Variants in ZBTB5 observed in about 807,000 individuals in gnomAD.
ZBTB5 encodes the protein zinc finger and BTB domain-containing protein 5.
Under a neutral mutation model 37.9 loss-of-function variants are expected in ZBTB5, and 15 were observed. The observed-to-expected ratio is 0.40, with a 90% confidence interval of 0.26 to 0.61. The LOEUF (loss-of-function observed/expected upper bound fraction) is 0.61, where lower values mean the gene tolerates loss of function less well. Ranked by LOEUF, ZBTB5 falls within the 20% of genes least tolerant of loss-of-function variation. The pLI is 0.47. For synonymous variants in ZBTB5, 315 were observed against 312.4 expected (o/e 1.01, Z -0.09); for missense variants, 708 against 856.8 (o/e 0.83, Z 2.17).
chr9:37,444,651 C>T (rs1260247391), intron 1 of ZBTB5, among the ~76,000 whole-genome samples: 1 of 152,188 alleles, frequency 6.6e-6, no homozygotes, highest in Non-Finnish European at 1.5e-5. Flanking sequence ...CACAGCAGCA[C>T]TAAAAGCTAG....
chr9:37,460,454 G>C (rs1824271516), intron 1 of ZBTB5, among the ~76,000 whole-genome samples: 1 of 151,854 alleles, frequency 6.6e-6, no homozygotes, highest in African/African-American at 2.4e-5. Context: ...AAAAAATTAG[G>C]CCAGATGCGG....
Position 37,451,269 on chromosome 9 carries a change from T to C in ZBTB5, c.-4-8714A>G, listed in dbSNP as rs924018692. 5.9e-5 allele frequency among the ~76,000 whole-genome samples: 9 copies of C among 151,898 alleles called. 1 individual carries two copies. On this transcript the variant is annotated intron_variant, in intron 1 of 1. Transcript: ENST00000307750. ...TAAATCTTGTAGAACTACTGATTCG[T>C]TAAATGATGTTCACTGGCTAGGCAC... is the stretch of plus-strand genomic sequence containing the variant.
In ZBTB5 at chr9:37,440,905, C is replaced by G; in HGVS notation, c.1647G>C (p.Arg549Ser). 6.2e-7 allele frequency: 1 copy of G among 1,614,138 alleles called. No individual in the cohort carries two copies. The highest frequency in any genetic ancestry group is 8.5e-7 in the Non-Finnish European group (1 of 1,180,038). ...APKMPVVTSVRSSQIPENSTS... is the reference protein window; with the variant it reads ...APKMPVVTSVSSSQIPENSTS... ...TAGAGTTTTCTGGGATCTGTGAGCT[C>G]CTGACGGAAGTTACAACTGGCATTT... is the stretch of plus-strand genomic sequence containing the variant. Residue 549 changes from arginine to serine, a missense_variant, in exon 2 of 2, where the codon AGG (arginine) becomes AGC (serine). Physicochemically the swap from Arg to Ser is moderately radical, Grantham distance 110. This residue lies in a region of ZBTB5 where 639 missense variants were observed against 690.5 expected (regional missense o/e 0.93). Coordinates refer to ENST00000307750, the MANE Select transcript of ZBTB5 (RefSeq NM_014872.3).
chr9:37,442,321 A>G lies in ZBTB5; in HGVS notation c.231T>C (p.Phe77=). 2 of 1,614,196 alleles carry G rather than the reference A, an allele frequency of 1.2e-6. No individual in the cohort carries two copies. Among genetic ancestry groups the G allele is most frequent in the Middle Eastern group, 3.3e-4 (2 of 6,062 alleles). Residue 77 remains phenylalanine (F), a synonymous_variant, in exon 2 of 2, where the codon TTT becomes TTC. Transcript: ENST00000307750. ...TATACATCATGTCAATCAGTGCAGC[A>G]AAGGCCTCTGCTGTCACCACCTCGC... ...LDSEVVTAEA[F]AALIDMMYTS...
At chr9:37,449,085 C>G (rs940155650) in intron 1 of ZBTB5, among the ~76,000 whole-genome samples, 7 of 151,084 alleles carry the variant, frequency 4.6e-5, no homozygotes, top group African/African-American at 1.7e-4. Flanking sequence ...GTTAACATAA[C>G]ATTTTAATAA....
At chr9:37,465,000 T>C (rs1188671511) in intron 1 of ZBTB5, among the ~76,000 whole-genome samples, 1 of 150,778 alleles carries the variant, frequency 6.6e-6, no homozygotes, top group African/African-American at 2.4e-5. Context: ...GCAGACAGCC[T>C]GGCGTCGGGA....
At chr9:37,454,894 C>G (rs1388928888) in intron 1 of ZBTB5, among the ~76,000 whole-genome samples, 1 of 152,220 alleles carries the variant, frequency 6.6e-6, no homozygotes, top group Non-Finnish European at 1.5e-5. Flanking sequence ...CCTTAACATT[C>G]AGTAGCCCAA....
chr9:37,441,222 C>T lies in ZBTB5; in HGVS notation c.1330G>A (p.Ala444Thr). The T allele has an allele frequency of 6.2e-7, 1 of 1,614,114 alleles. No homozygotes were observed. The highest frequency in any genetic ancestry group is 1.3e-5 in the African/African-American group (1 of 75,018). Reference sequence around the variant, plus strand: ...GCCTCTGGACTCAACAAATAGGGGGCCTCACTCTCCAGCCTGCAGTCACTA... The same window carrying T: ...GCCTCTGGACTCAACAAATAGGGGGTCTCACTCTCCAGCCTGCAGTCACTA... ...TTSDCRLESE[A>T]PYLLSPEAGP... The change falls in exon 2 of 2, where the codon GCC becomes ACC. Residue 444 changes from alanine (A) to threonine (T), a missense_variant. Ala to Thr is a moderately conservative substitution (Grantham distance 58). Transcript: ENST00000307750.
intron 1 of ZBTB5, among the ~76,000 whole-genome samples, chr9:37,458,724 A>G (rs1243796876): frequency 6.6e-6 from 1 of 152,232 alleles, no homozygotes; most frequent in Non-Finnish European, 1.5e-5. Context: ...TGTATAATAA[A>G]TGAGTCAACG....
chr9:37,463,446 C>T (rs1824330218), intron 1 of ZBTB5, among the ~76,000 whole-genome samples: 1 of 152,168 alleles, frequency 6.6e-6, no homozygotes, highest in African/African-American at 2.4e-5. Context: ...AACATAGAAT[C>T]AATACCTTGG....
In ZBTB5 at chr9:37,440,611, G is replaced by A. The variant is rs759172542; in HGVS notation, c.1941C>T (p.Gly647=). 1 of 1,614,252 alleles carries A rather than the reference G, an allele frequency of 6.2e-7. No individual in the cohort carries two copies. Residue 647 remains glycine, a synonymous_variant, in exon 2 of 2, where the codon GGC becomes GGT. Coordinates refer to ENST00000307750, the MANE Select transcript of ZBTB5 (RefSeq NM_014872.3). ...GEKPYACLKC[G]KRFSQSSHLY... is the part of the protein sequence containing the mutation. Reference sequence around the variant, plus strand: ...GGTGGCTGGACTGACTAAACCTCTTGCCACACTTCAGGCAGGCGTAAGGCT... The same window carrying A: ...GGTGGCTGGACTGACTAAACCTCTTACCACACTTCAGGCAGGCGTAAGGCT...
At chr9:37,458,523 T>G (rs1020945312) in intron 1 of ZBTB5, among the ~76,000 whole-genome samples, 3 of 152,210 alleles carry the variant, frequency 2.0e-5, no homozygotes, top group Non-Finnish European at 4.4e-5. Flanking sequence ...AAAAAATGAA[T>G]GAAACAAGCC....
At chr9:37,445,962 A>G (rs1823969746) in intron 1 of ZBTB5, among the ~76,000 whole-genome samples, 1 of 152,026 alleles carries the variant, frequency 6.6e-6, no homozygotes, top group Admixed American at 6.6e-5. Flanking sequence ...GTAGCCGGCC[A>G]TGGTGGCGAG....
At position 37,441,186 on chromosome 9, in the gene ZBTB5, C is replaced by G; in HGVS notation, c.1366G>C (p.Gly456Arg). Residue 456 changes from glycine to arginine, a missense_variant, in exon 2 of 2, where the codon GGT (glycine) becomes CGT (arginine). Gly to Arg is a moderately radical substitution (Grantham distance 125). Around this residue, in one of 3 missense-constraint regions of ZBTB5, gnomAD observed 639 missense variants for 690.5 expected, o/e 0.93. Transcript: ENST00000307750. ...YLLSPEAGPA[G>R]GPSSAPGSHV... ...GAGCCAGGGGCAGAGGAGGGCCCAC[C>G]TGCAGGCCCAGCCTCTGGACTCAAC... 1 of 1,614,072 alleles carries G rather than the reference C, an allele frequency of 6.2e-7. No individual in the cohort carries two copies. The highest frequency in any genetic ancestry group is 8.5e-7 in the Non-Finnish European group (1 of 1,179,984).
chr9:37,440,587 G>A lies in ZBTB5; in HGVS notation c.1965C>T (p.His655=). 2 of 1,614,272 alleles carry A rather than the reference G, an allele frequency of 1.2e-6. No individual in the cohort carries two copies. Among genetic ancestry groups the A allele is most frequent in the Non-Finnish European group, 1.7e-6 (2 of 1,180,046 alleles). Residue 655 remains histidine (H), a synonymous_variant, in exon 2 of 2, where the codon CAC becomes CAT. Coordinates refer to ENST00000307750, the MANE Select transcript of ZBTB5 (RefSeq NM_014872.3). ...AGGTAGTCTTTGAGTGCTTATACAG[G>A]TGGCTGGACTGACTAAACCTCTTGC... ...KCGKRFSQSS[H]LYKHSKTTCL... is the part of the protein sequence containing the mutation.
intron 1 of ZBTB5, among the ~76,000 whole-genome samples, chr9:37,451,408 A>T (rs1003258066): frequency 4.6e-5 from 7 of 152,040 alleles, no homozygotes; most frequent in Admixed American, 4.6e-4. Context: ...CTCTACAAAA[A>T]TTAGCTGGGT....
intron 1 of ZBTB5, among the ~76,000 whole-genome samples, chr9:37,443,155 GC>G (rs971136005): frequency 6.6e-6 from 1 of 152,022 alleles, no homozygotes; most frequent in African/African-American, 2.4e-5. Flanking sequence ...TTCAAGACGA[GC>G]CTGACCAACA....
rs560459530 is a variant in ZBTB5 at position 37,453,110 on chromosome 9, CT to C, written c.-4-10556del. 2.0e-5 allele frequency among the ~76,000 whole-genome samples: 3 copies of C among 152,366 alleles called. No individual in the cohort carries two copies. In the South Asian group the frequency reaches 6.2e-4, roughly 32 times the overall value. ...AGGTTGCACTCTCAATCCCCTACCC[CT>C]GTCCCATAACCATTAGGTGAACAAG... On this transcript the variant is annotated intron_variant, in intron 1 of 1. Transcript: ENST00000307750.
chr9:37,447,471 G>A (rs149105975), intron 1 of ZBTB5, among the ~76,000 whole-genome samples: 1,994 of 152,194 alleles, frequency 0.013, 26 homozygotes, highest in Non-Finnish European at 0.019. Context: ...TTTTTACTGT[G>A]CTTTTTTTTT....
Sources: allele counts gnomAD v4.1 joint callset (sites outside exome capture counted in the v4.1 genomes callset), GRCh38; gene constraint gnomAD v4.1.1; regional missense constraint gnomAD v4.1.1; transcripts MANE v1.5; gene names NCBI Gene and HGNC (gene_info 2026-07-23, HGNC 2026-07-21).